Variants in UNC80 observed in about 807,000 individuals in gnomAD.
The protein encoded by UNC80 is unc-80 subunit of NALCN channel complex, also known as protein unc-80 homolog.
In UNC80, 164 loss-of-function variants were observed where a neutral mutation model predicts 384.6. The observed-to-expected ratio is 0.43, with a 90% CI of 0.38 to 0.49. The LOEUF (loss-of-function observed/expected upper bound fraction) is 0.49, where lower values mean the gene tolerates loss of function less well. UNC80 is among the 20% of genes least tolerant of loss of function. The probability of loss-of-function intolerance (pLI) is 0.00; values close to 1 mark genes in which losing one functional copy is unlikely to be tolerated. For missense variants in UNC80, 3,330 were observed against 4,143.0 expected (o/e 0.80, Z 5.39); for synonymous variants, 1,486 against 1,527.8 (o/e 0.97, Z 0.64).
chr2:209,852,912 A>G (rs769412645), intron 22 of UNC80, among the ~76,000 whole-genome samples: 1 of 152,048 alleles, frequency 6.6e-6, no homozygotes, highest in South Asian at 2.1e-4. Flanking sequence ...TTTTATTTAG[A>G]TATATGTATA....
intron 24 of UNC80, among the ~76,000 whole-genome samples, chr2:209,879,705 G>A (rs1451772120): frequency 6.6e-6 from 1 of 152,112 alleles, no homozygotes; most frequent in African/African-American, 2.4e-5. Context: ...CTGATTTTTA[G>A]TTCCACTTTC....
At position 209,793,978 on chromosome 2, in the gene UNC80, T is replaced by C. The variant is rs57284933; in HGVS notation, c.938+119T>C. ...AATATGTATTTGCATAATATGTGTA[T>C]ACATATTCTTGGTCAAAGTATAATT... On this transcript the variant is annotated intron_variant, in intron 7 of 64. Transcript: ENST00000673920. 183 of 1,156,868 alleles carry C rather than the reference T, an allele frequency of 1.6e-4. No homozygotes were observed. In the African/African-American group the frequency reaches 2.6e-3, roughly 17 times the overall value. The allele number at this position is 1,156,868 out of a possible 1,614,324, so 71.7% of individuals were successfully genotyped here.
chr2:209,910,197 C>T (rs2088755465), intron 29 of UNC80, among the ~76,000 whole-genome samples: 1 of 151,182 alleles, frequency 6.6e-6, no homozygotes, highest in African/African-American at 2.4e-5. Context: ...TCTTGAGTTT[C>T]TCTACAGATC....
intron 31 of UNC80, 136 bp downstream of exon 31, chr2:209,914,076 T>A: frequency 9.3e-7 from 1 of 1,079,104 alleles, no homozygotes; most frequent in Non-Finnish European, 1.3e-6. Context: ...CTGTAGACTC[T>A]AGAGCTGTGT....
intron 29 of UNC80, among the ~76,000 whole-genome samples, chr2:209,906,224 T>C (rs753804582): frequency 5.9e-5 from 9 of 152,330 alleles, no homozygotes; most frequent in Non-Finnish European, 1.2e-4. Flanking sequence ...CAATTTGTTA[T>C]ACCTTAGTGC....
intron 60 of UNC80, among the ~76,000 whole-genome samples, chr2:209,984,341 C>T (rs1280646305): frequency 6.6e-6 from 1 of 152,106 alleles, no homozygotes; most frequent in Non-Finnish European, 1.5e-5. Context: ...AAGTTGTGTT[C>T]TTTCTTTACT....
At chr2:209,937,909 A>G (rs1191601131) in intron 42 of UNC80, among the ~76,000 whole-genome samples, 3 of 152,220 alleles carry the variant, frequency 2.0e-5, no homozygotes, top group African/African-American at 7.2e-5. Context: ...ATTATTTTCT[A>G]TATGTAGATT....
chr2:209,973,134 G>A lies in UNC80; in HGVS notation c.8451G>A (p.Pro2817=), dbSNP rs1027593125. The A allele has an allele frequency of 1.0e-5, 16 of 1,551,484 alleles. No homozygotes were observed. Among genetic ancestry groups the A allele is most frequent in the African/African-American group, 2.7e-5 (2 of 72,990 alleles). The change falls in exon 56 of 65, where the codon CCG becomes CCA. Residue 2817 remains proline (P), a synonymous_variant. Transcript: ENST00000673920. ...LQTVINVLLP[P]RIISTSRSKN... ...CAGTCATCAATGTACTCCTCCCACCGCGGATCATCAGCACATCCAGGAGCA... is the reference window on the plus strand; with the variant it reads ...CAGTCATCAATGTACTCCTCCCACCACGGATCATCAGCACATCCAGGAGCA...
intron 47 of UNC80, among the ~76,000 whole-genome samples, chr2:209,946,610 G>C (rs1431558284): frequency 6.6e-6 from 1 of 152,004 alleles, no homozygotes; most frequent in Admixed American, 6.6e-5. Flanking sequence ...TCCTTTCAAG[G>C]GGCAATAAGA....
Position 209,957,754 on chromosome 2 carries a change from A to T in UNC80, c.7550+18A>T. On this transcript the variant is annotated intron_variant, in intron 49 of 64. Coordinates refer to ENST00000673920, the MANE Select transcript of UNC80 (RefSeq NM_001371986.1). ...AACACCAGGTAATTCACTGCGCCTT[A>T]TTCTTCTATGGTCTCTCAATTTCAT... The T allele has an allele frequency of 6.5e-7, 1 of 1,550,232 alleles. No individual in the cohort carries two copies. The highest frequency in any genetic ancestry group is 8.7e-7 in the Non-Finnish European group (1 of 1,145,760).
At chr2:209,772,920 G>A (rs563966301) in intron 1 of UNC80, among the ~76,000 whole-genome samples, 174 bp from the exon 2 acceptor site, 2 of 152,238 alleles carry the variant, frequency 1.3e-5, no homozygotes, top group East Asian at 1.9e-4. Flanking sequence ...GCAATTACAC[G>A]TGTAAAAGAA....
intron 22 of UNC80, among the ~76,000 whole-genome samples, chr2:209,867,675 T>G (rs2083951187): frequency 6.6e-6 from 1 of 152,072 alleles, no homozygotes. Context: ...GTGCCAACTT[T>G]TAACTTGTGG....
chr2:209,922,338 C>A lies in UNC80; in HGVS notation c.5617C>A (p.Arg1873Ser). The change falls in exon 35 of 65, where the codon CGC becomes AGC. Residue 1873 changes from arginine to serine, a missense_variant. By Grantham distance (110) the Arg-to-Ser change is moderately radical (BLOSUM62 -1). Around this residue, in one of 8 missense-constraint regions of UNC80, gnomAD observed 1,049 missense variants for 1,488.6 expected, o/e 0.70. Coordinates refer to ENST00000673920, the MANE Select transcript of UNC80 (RefSeq NM_001371986.1). ...CACTTCCCACAGGAATTATTCCTTC[C>A]GCCGCGGGTCAGTCTGGTCAGTGCG... ...SSTSHRNYSF[R>S]RGSVWSVRSA... 3 of 1,551,860 alleles carry A rather than the reference C, an allele frequency of 1.9e-6. No individual in the cohort carries two copies. The highest frequency in any genetic ancestry group is 2.6e-6 in the Non-Finnish European group (3 of 1,146,998).
In UNC80 at chr2:209,794,165, G is replaced by A. The variant is rs181827307; in HGVS notation, c.938+306G>A. On this transcript the variant is annotated intron_variant, in intron 7 of 64. Transcript: ENST00000673920. ...TATCAGAAGATTATGTTGCAGAGAT[G>A]TTAAAGGATCTGTTTTAATATATAA... 4.6e-5 allele frequency among the ~76,000 whole-genome samples: 7 copies of A among 152,290 alleles called. No homozygotes were observed. In the East Asian group the frequency reaches 1.2e-3, roughly 25 times the overall value.
At chr2:209,928,090 C>G (rs927260687) in intron 36 of UNC80, among the ~76,000 whole-genome samples, 3 of 152,150 alleles carry the variant, frequency 2.0e-5, no homozygotes, top group African/African-American at 7.2e-5. Context: ...AATCCCAGCA[C>G]TTTGGAAGGC....
intron 6 of UNC80, among the ~76,000 whole-genome samples, chr2:209,791,566 A>T (rs1297256620): frequency 6.6e-6 from 1 of 151,882 alleles, no homozygotes; most frequent in Admixed American, 6.6e-5. Flanking sequence ...TTAAGGACCA[A>T]TTAAGATCTC....
At chr2:209,982,518 A>T in intron 60 of UNC80, 1 of 533,068 alleles carries the variant, frequency 1.9e-6, no homozygotes, top group Non-Finnish European at 2.9e-6. Context: ...AGTAGAAGGG[A>T]TCCCAATTTC....
intron 22 of UNC80, among the ~76,000 whole-genome samples, chr2:209,850,530 T>C (rs1220957532): frequency 3.3e-5 from 5 of 152,112 alleles, no homozygotes; most frequent in Non-Finnish European, 7.4e-5. Flanking sequence ...ATAATGTAAT[T>C]CATGAAATTT....
At chr2:209,827,289 TC>T (rs1022497369) in intron 14 of UNC80, among the ~76,000 whole-genome samples, 1 of 152,048 alleles carries the variant, frequency 6.6e-6, no homozygotes, top group Non-Finnish European at 1.5e-5. Context: ...ACCACATCAC[TC>T]CCCATGCAGA....
Sources: gnomAD v4.1 joint callset for allele counts (sites outside exome capture counted in the v4.1 genomes callset) on GRCh38, gnomAD v4.1.1 for gene constraint, gnomAD v4.1.1 regional missense constraint, MANE v1.5 for transcripts, NCBI Gene and HGNC (gene_info 2026-07-23, HGNC 2026-07-21) for gene names.